Variants in ZFP62 observed in about 807,000 individuals in gnomAD.
ZFP62 encodes zinc finger protein 62 homolog.
A neutral mutation model predicts 56.4 loss-of-function variants in ZFP62; 44 were observed. That is an observed-to-expected ratio of 0.78 (90% CI 0.61 to 1.00). The LOEUF (loss-of-function observed/expected upper bound fraction) is 1.00, where lower values mean the gene tolerates loss of function less well. Among genes scored for constraint, ZFP62 ranks in the 50% least tolerant of loss-of-function variants. The probability of loss-of-function intolerance (pLI) is 0.00; values close to 1 mark genes in which losing one functional copy is unlikely to be tolerated. For missense variants in ZFP62, 1,030 were observed against 1,085.7 expected, an observed-to-expected ratio of 0.95 and a Z score of 0.72; for synonymous variants, 421 against 388.9, an observed-to-expected ratio of 1.08 and a Z score of -0.97.
At chr5:180,859,937 T>A (rs1561912050) in intron 1 of ZFP62, among the ~76,000 whole-genome samples, 2 of 152,230 alleles carry the variant, frequency 1.3e-5, no homozygotes, top group Admixed American at 6.5e-5. Flanking sequence ...TATACCATTG[T>A]TTGAAGTAAC....
In ZFP62 at chr5:180,849,409, G is replaced by A; in HGVS notation, c.2086C>T (p.Pro696Ser). The change falls in exon 2 of 2, where the codon CCT becomes TCT. Residue 696 changes from proline to serine, a missense_variant. By Grantham distance (74) the Pro-to-Ser change is moderately conservative. Coordinates refer to ENST00000502412, the MANE Select transcript of ZFP62 (RefSeq NM_001172638.2). Reference protein sequence around the residue: ...SSLINHKSTHPGRTPHTCDEC... With the variant: ...SSLINHKSTHSGRTPHTCDEC... ...TCACATGTATGGGGTGTCCTGCCAG[G>A]GTGGGTACTCTTATGGTTAATAAGG... 2 of 1,551,102 alleles carry A rather than the reference G, an allele frequency of 1.3e-6. No homozygotes were observed. The highest frequency in any genetic ancestry group is 1.2e-5 in the South Asian group (1 of 83,984).
chr5:180,847,760 C>T lies in ZFP62; in HGVS notation c.*1032G>A. ...ATACATGTCCTGCATGACATCTTTACAATAACACATTCCAAAAACAATCAA... is the reference window on the plus strand; with the variant it reads ...ATACATGTCCTGCATGACATCTTTATAATAACACATTCCAAAAACAATCAA... On this transcript the variant is annotated 3_prime_UTR_variant, in exon 2 of 2. Coordinates refer to ENST00000502412, the MANE Select transcript of ZFP62 (RefSeq NM_001172638.2). 1.0e-6 allele frequency: 1 copy of T among 985,422 alleles called. No homozygotes were observed. The highest frequency in any genetic ancestry group is 1.2e-6 in the Non-Finnish European group (1 of 829,930). 61.0% of individuals were successfully genotyped at this position (985,422 alleles called of 1,614,324 possible).
chr5:180,840,751 A>C, the ZFP62 span, among the ~76,000 whole-genome samples: 7 of 151,024 alleles, frequency 4.6e-5, no homozygotes, highest in Admixed American at 1.3e-4. Flanking sequence ...CAGAGCGAGA[A>C]TCTGCCTCAA....
downstream of ZFP62, chr5:180,847,519 A>G: frequency 6.7e-6 from 6 of 898,792 alleles, no homozygotes; most frequent in African/African-American, 1.8e-5. Context: ...TGAGTCTACT[A>G]CCCTCTCTGG....
the ZFP62 span, among the ~76,000 whole-genome samples, chr5:180,840,297 C>T: frequency 1.3e-5 from 2 of 152,160 alleles, no homozygotes; most frequent in African/African-American, 2.4e-5. Context: ...CAGTCAGCTT[C>T]AGAGGGAGTT....
At chr5:180,845,560 G>A (rs1773395141), downstream of ZFP62, 1 of 289,820 alleles carries the variant, frequency 3.5e-6, no homozygotes, top group Non-Finnish European at 5.2e-6. Flanking sequence ...AGGTCTAAAT[G>A]AGAATGGCTC....
chr5:180,849,204 T>C lies in ZFP62; in HGVS notation c.2291A>G (p.Lys764Arg). ...EKPYVCDRCG[K>R]AFRNSSGLTV... ...GAGGCCTGAGCTGTTCCTGAAGGCC[T>C]TCCCACACCTATCACACACATAGGG... The change falls in exon 2 of 2, where the codon AAG (lysine) becomes AGG (arginine). Residue 764 changes from lysine (K) to arginine (R), a missense_variant. Lys to Arg is a conservative substitution (Grantham distance 26). Coordinates refer to ENST00000502412, the MANE Select transcript of ZFP62 (RefSeq NM_001172638.2). The C allele has an allele frequency of 6.4e-7, 1 of 1,560,688 alleles. No individual in the cohort carries two copies. Among genetic ancestry groups the C allele is most frequent in the Non-Finnish European group, 8.7e-7 (1 of 1,152,500 alleles).
the ZFP62 span, among the ~76,000 whole-genome samples, chr5:180,829,223 C>T: frequency 7.0e-6 from 1 of 142,350 alleles, no homozygotes; most frequent in Non-Finnish European, 1.5e-5. Flanking sequence ...TCCTCAGAGG[C>T]ATGTGATCTT....
Position 180,848,114 on chromosome 5 carries a change from T to A in ZFP62, c.*678A>T, listed in dbSNP as rs375067887. On this transcript the variant is annotated 3_prime_UTR_variant, in exon 2 of 2. Transcript: ENST00000502412. Reference sequence around the variant, plus strand: ...AAAAGTTTCATCCATTCAACTAATGTATCACAATAGTACGTTCATCAATTT... The same window carrying A: ...AAAAGTTTCATCCATTCAACTAATGAATCACAATAGTACGTTCATCAATTT... The A allele has an allele frequency of 1.0e-6, 1 of 985,456 alleles. No individual in the cohort carries two copies. Among genetic ancestry groups the A allele is most frequent in the African/African-American group, 1.7e-5 (1 of 57,358 alleles). 61.0% of individuals were successfully genotyped at this position (985,456 alleles called of 1,614,324 possible). A position where few individuals can be genotyped will look rare whatever the true frequency, so the allele number is the denominator to read the frequency against.
At chr5:180,836,258 G>T in the ZFP62 span, among the ~76,000 whole-genome samples, 1 of 152,256 alleles carries the variant, frequency 6.6e-6, no homozygotes, top group Non-Finnish European at 1.5e-5. Context: ...TTAAGTAACA[G>T]AAATTTATTT....
the ZFP62 span, among the ~76,000 whole-genome samples, chr5:180,829,546 A>C: frequency 1.3e-5 from 2 of 152,210 alleles, no homozygotes; most frequent in Non-Finnish European, 2.9e-5. Context: ...CATTTATGGA[A>C]AATAGAAAGA....
chr5:180,854,781 G>A (rs750530448), intron 1 of ZFP62, among the ~76,000 whole-genome samples: 7 of 152,192 alleles, frequency 4.6e-5, no homozygotes, highest in Non-Finnish European at 8.8e-5. Context: ...AGGGTGGAGA[G>A]AAGAGGGGGG....
the ZFP62 span, among the ~76,000 whole-genome samples, chr5:180,836,626 G>A: frequency 9.8e-4 from 149 of 152,294 alleles, no homozygotes; most frequent in African/African-American, 3.3e-3. Context: ...ATATTTTTAG[G>A]GGGCACAAGT....
chr5:180,843,920 G>T (rs539977295), downstream of ZFP62, among the ~76,000 whole-genome samples: 3 of 152,150 alleles, frequency 2.0e-5, no homozygotes, highest in East Asian at 5.8e-4. Context: ...ACCATGTTTT[G>T]TAACAACAAT....
chr5:180,853,540 G>T (rs1773826549), intron 1 of ZFP62, among the ~76,000 whole-genome samples: 1 of 152,006 alleles, frequency 6.6e-6, no homozygotes, highest in African/African-American at 2.4e-5. Context: ...CATATTCAAA[G>T]AATAAAATTA....
chr5:180,837,150 G>A, the ZFP62 span, among the ~76,000 whole-genome samples: 1 of 152,142 alleles, frequency 6.6e-6, no homozygotes, highest in Non-Finnish European at 1.5e-5. Flanking sequence ...AATTTAGTAA[G>A]CATGAAACAG....
At chr5:180,839,674 C>G in the ZFP62 span, among the ~76,000 whole-genome samples, 1 of 152,102 alleles carries the variant, frequency 6.6e-6, no homozygotes, top group Non-Finnish European at 1.5e-5. Flanking sequence ...ATGCTTATTA[C>G]CTGGGTGATG....
chr5:180,840,515 T>C, the ZFP62 span, among the ~76,000 whole-genome samples: 1 of 152,010 alleles, frequency 6.6e-6, no homozygotes, highest in Non-Finnish European at 1.5e-5. Flanking sequence ...TCCCAGCACT[T>C]TGGGAGGCTG....
intron 1 of ZFP62, 129 bp downstream of exon 1, chr5:180,861,090 G>A (rs985426614): frequency 1.2e-4 from 48 of 397,466 alleles, no homozygotes; most frequent in Middle Eastern, 4.6e-4. Context: ...AGACATGTGC[G>A]GGGAGGGGGC....
Sources: gnomAD v4.1 joint callset for allele counts (sites outside exome capture counted in the v4.1 genomes callset) on GRCh38, gnomAD v4.1.1 for gene constraint, MANE v1.5 for transcripts, NCBI Gene and HGNC (gene_info 2026-07-23, HGNC 2026-07-21) for gene names.